The following LINC00632 variants were observed in gnomAD, a reference collection of about 807,000 sequenced individuals.
The protein encoded by LINC00632 is ALDOA related specific transcript.
chrX:140,761,419 C>T (rs1931592719), intron 3 of LINC00632, among the ~76,000 whole-genome samples: 1 of 112,193 alleles, frequency 8.9e-6, no homozygotes, highest in Non-Finnish European at 1.9e-5. Context: ...CTCTGAGGTC[C>T]CTTTGCAGAT....
At chrX:140,759,318 TTCCTTCC>T (rs1423783535) in intron 3 of LINC00632, among the ~76,000 whole-genome samples, 1 of 68,526 alleles carries the variant, frequency 1.5e-5, no homozygotes, top group Non-Finnish European at 3.0e-5. Flanking sequence ...CCTTCCTTCC[TTCCTTCC>T]TTCCTTCCTT....
At chrX:140,763,848 T>C (rs1309634669) in intron 3 of LINC00632, among the ~76,000 whole-genome samples, 1 of 111,805 alleles carries the variant, frequency 8.9e-6, no homozygotes, top group Non-Finnish European at 1.9e-5. Context: ...AATCTCAGAG[T>C]AACCTGTGGA....
chrX:140,719,847 T>C (rs938125577), intron 2 of LINC00632, among the ~76,000 whole-genome samples: 21 of 108,126 alleles, frequency 1.9e-4, no homozygotes, highest in Non-Finnish European at 3.5e-4. Flanking sequence ...CCCCGCACTT[T>C]GGGAGGCCGA....
exon 4 of LINC00632, among the ~76,000 whole-genome samples, chrX:140,773,031 T>C (rs1039778374): frequency 2.7e-5 from 3 of 111,616 alleles, no homozygotes; most frequent in African/African-American, 6.5e-5. Flanking sequence ...CCAGGATTGG[T>C]GGCGGGTACC....
intron 3 of LINC00632, among the ~76,000 whole-genome samples, chrX:140,762,889 T>C (rs1404044115): frequency 8.9e-6 from 1 of 112,229 alleles, no homozygotes; most frequent in African/African-American, 3.2e-5. Flanking sequence ...GTGATTTGAC[T>C]GGCAAGCAGT....
intron 2 of LINC00632, among the ~76,000 whole-genome samples, chrX:140,730,291 T>G (rs1931037757): frequency 9.0e-6 from 1 of 111,101 alleles, no homozygotes. Context: ...CCCTATACTT[T>G]GAATAACCCA....
chrX:140,771,831 C>A (rs1167153321), intron 3 of LINC00632, among the ~76,000 whole-genome samples: 1 of 101,222 alleles, frequency 9.9e-6, no homozygotes, highest in African/African-American at 3.5e-5. Context: ...AGGCATGTGC[C>A]ACCATGCCCA....
exon 5 of LINC00632, among the ~76,000 whole-genome samples, chrX:140,788,803 CAT>C (rs1301999110): frequency 6.8e-5 from 7 of 102,330 alleles, no homozygotes; most frequent in Non-Finnish European, 1.4e-4. Flanking sequence ...CATATATACA[CAT>C]ATATGTATCT....
exon 5 of LINC00632, chrX:140,783,933 T>C (rs1931975690): frequency 8.3e-7 from 1 of 1,208,705 alleles, no homozygotes; most frequent in African/African-American, 1.7e-5. Flanking sequence ...AAAAAAGCCA[T>C]GTCTTCCAGA....
At chrX:140,785,924 G>A (rs752661963) in exon 5 of LINC00632, among the ~76,000 whole-genome samples, 35 of 111,277 alleles carry the variant, frequency 3.1e-4, no homozygotes, top group African/African-American at 1.0e-3. Context: ...GCAACCTCCT[G>A]GGTTCCTGGC....
intron 3 of LINC00632, among the ~76,000 whole-genome samples, chrX:140,766,083 A>G (rs958075311): frequency 2.7e-5 from 3 of 111,839 alleles, no homozygotes; most frequent in African/African-American, 6.5e-5. Flanking sequence ...GCCAAATTCT[A>G]CTTAACCTGG....
chrX:140,778,819 C>T (rs1931904096), exon 5 of LINC00632, among the ~76,000 whole-genome samples: 1 of 111,032 alleles, frequency 9.0e-6, no homozygotes, highest in Admixed American at 9.6e-5. Context: ...AATACTTTGA[C>T]TTTGGCTTGA....
intron 3 of LINC00632, among the ~76,000 whole-genome samples, chrX:140,737,427 A>G (rs1290730250): frequency 9.0e-6 from 1 of 111,697 alleles, no homozygotes; most frequent in Non-Finnish European, 1.9e-5. Flanking sequence ...TATTTAGGGT[A>G]GCTATCACCT....
At chrX:140,722,712 C>T (rs1484240158) in intron 2 of LINC00632, among the ~76,000 whole-genome samples, 1 of 111,192 alleles carries the variant, frequency 9.0e-6, no homozygotes, top group Non-Finnish European at 1.9e-5. Flanking sequence ...CCCCGCAACT[C>T]ATGAAAATAC....
At chrX:140,773,115 G>A (rs893523873) in exon 4 of LINC00632, among the ~76,000 whole-genome samples, 6 of 111,570 alleles carry the variant, frequency 5.4e-5, no homozygotes, top group African/African-American at 2.0e-4. Flanking sequence ...GCAGTGAGCT[G>A]AGATCGTGCC....
intron 2 of LINC00632, among the ~76,000 whole-genome samples, chrX:140,724,387 A>G (rs1375056609): frequency 2.8e-5 from 2 of 70,298 alleles, no homozygotes; most frequent in African/African-American, 5.8e-5. Flanking sequence ...CAGTCCATGC[A>G]CACACACAAA....
At chrX:140,768,336 C>A (rs1319728640) in intron 3 of LINC00632, among the ~76,000 whole-genome samples, 1 of 108,917 alleles carries the variant, frequency 9.2e-6, no homozygotes, top group Non-Finnish European at 1.9e-5. Flanking sequence ...ATGCTTCATT[C>A]AAGGGTAGAT....
chrX:140,751,737 A>G (rs891140708), intron 3 of LINC00632, among the ~76,000 whole-genome samples: 2 of 111,735 alleles, frequency 1.8e-5, no homozygotes, highest in African/African-American at 6.5e-5. Context: ...TTAATCTTGT[A>G]TTTGTGAATA....
chrX:140,729,962 C>T (rs1174427212), intron 2 of LINC00632, among the ~76,000 whole-genome samples: 5 of 105,584 alleles, frequency 4.7e-5, no homozygotes, highest in East Asian at 3.0e-4. Context: ...CTGCAACCTC[C>T]GCCTCCCGGG....
Sources: gnomAD v4.1 joint callset for allele counts (sites outside exome capture counted in the v4.1 genomes callset) on GRCh38, gnomAD v4.1.1 for gene constraint, MANE v1.5 for transcripts, NCBI Gene and HGNC (gene_info 2026-07-23, HGNC 2026-07-21) for gene names.